Variants in XRRA1 observed in about 807,000 individuals in gnomAD.
XRRA1 encodes the protein X-ray radiation resistance associated 1.
A neutral mutation model predicts 80.2 loss-of-function variants in XRRA1; 69 were observed. The observed-to-expected ratio is 0.86, with a 90% CI of 0.71 to 1.05. The LOEUF is 1.05. XRRA1 is among the 50% of genes least tolerant of loss of function. XRRA1 has a pLI of 0.00. For synonymous variants in XRRA1, 348 were observed against 389.9 expected, an observed-to-expected ratio of 0.89 and a Z score of 1.27; for missense variants, 967 against 976.4, an observed-to-expected ratio of 0.99 and a Z score of 0.13.
chr11:74,871,509 C>A (rs2044761232), intron 10 of XRRA1, among the ~76,000 whole-genome samples: 2 of 152,228 alleles, frequency 1.3e-5, no homozygotes, highest in Non-Finnish European at 2.9e-5. Flanking sequence ...TTTGCATGCA[C>A]TGGACAATCA....
At chr11:74,906,501 C>T (rs755844485) in intron 9 of XRRA1, 45 bp from the exon 10 acceptor site, 2 of 1,587,780 alleles carry the variant, frequency 1.3e-6, no homozygotes, top group Non-Finnish European at 8.6e-7. Flanking sequence ...AATAATGATA[C>T]CTCAGGATTG....
intron 7 of XRRA1, among the ~76,000 whole-genome samples, chr11:74,924,756 C>T (rs1391088336): frequency 6.6e-6 from 1 of 152,196 alleles, no homozygotes; most frequent in Non-Finnish European, 1.5e-5. Context: ...TCGCTTGAAC[C>T]CAGGAGGCGG....
intron 10 of XRRA1, among the ~76,000 whole-genome samples, chr11:74,865,426 G>T (rs1056433816): frequency 2.0e-5 from 3 of 152,042 alleles, no homozygotes; most frequent in Admixed American, 6.6e-5. Flanking sequence ...TCCCAAGGGG[G>T]CCTATGGTCA....
At chr11:74,853,993 G>T (rs143210452) in intron 12 of XRRA1, among the ~76,000 whole-genome samples, 8 of 152,082 alleles carry the variant, frequency 5.3e-5, no homozygotes, top group Admixed American at 1.3e-4. Context: ...ATACTGGGGG[G>T]GCGGAGGATG....
Position 74,882,091 on chromosome 11 carries a change from C to T in XRRA1, c.1004-19070G>A, listed in dbSNP as rs550854258. Reference sequence around the variant, plus strand: ...TTGGGGAAGTTCTCCTGGATAATATCCTGCAGAGTGTTTTCCAACTTGGTT... The same window carrying T: ...TTGGGGAAGTTCTCCTGGATAATATTCTGCAGAGTGTTTTCCAACTTGGTT... On this transcript the variant is annotated intron_variant, in intron 10 of 18. Transcript: ENST00000684022. Among the ~76,000 whole-genome samples, 147 of 151,596 alleles carry T rather than the reference C, an allele frequency of 9.7e-4. 1 individual carries two copies. The highest frequency in any genetic ancestry group is 3.5e-3 in the African/African-American group (143 of 41,306).
chr11:74,852,892 G>T (rs1439323345), intron 12 of XRRA1, among the ~76,000 whole-genome samples: 1 of 152,158 alleles, frequency 6.6e-6, no homozygotes, highest in Admixed American at 6.5e-5. Flanking sequence ...AAAGGTATTG[G>T]GTCAGATGTA....
chr11:74,867,917 C>CATTTT (rs374064903), intron 10 of XRRA1, among the ~76,000 whole-genome samples: 1 of 106,746 alleles, frequency 9.4e-6, no homozygotes, highest in Non-Finnish European at 1.8e-5. Flanking sequence ...TATAGTCAAT[C>CATTTT]TTTTTTTTTT....
rs1277268716 is a variant in XRRA1 at position 74,933,804 on chromosome 11, G to A, written c.348C>T (p.Ser116=). 6.3e-7 allele frequency: 1 copy of A among 1,591,616 alleles called. No homozygotes were observed. The highest frequency in any genetic ancestry group is 1.2e-5 in the South Asian group (1 of 86,814). Residue 116 remains serine (S), a synonymous_variant, in exon 5 of 19, where the codon TCC becomes TCT. Coordinates refer to ENST00000684022, the MANE Select transcript of XRRA1 (RefSeq NM_001378157.1). ...CATCTTTGCTGGCTGACCTCACCTT[G>A]GAGAACTTCAGGCCACTCACATTAA... The part of the protein sequence containing the change: ...CTINVSGLKF[S]KAKENDFKHF...
chr11:74,848,769 C>T (rs375658967), intron 14 of XRRA1, among the ~76,000 whole-genome samples: 11 of 152,290 alleles, frequency 7.2e-5, no homozygotes, highest in South Asian at 4.1e-4. Flanking sequence ...AGTGCCTGGA[C>T]GATGTAATTC....
intron 4 of XRRA1, 150 bp downstream of exon 4, chr11:74,936,734 T>A (rs1031285682): frequency 9.7e-7 from 1 of 1,026,794 alleles, no homozygotes; most frequent in African/African-American, 1.6e-5. Context: ...TTGGGTCCCT[T>A]CATTATCCTG....
intron 8 of XRRA1, among the ~76,000 whole-genome samples, chr11:74,914,954 T>C (rs2138619339): frequency 6.6e-6 from 1 of 152,322 alleles, no homozygotes; most frequent in South Asian, 2.1e-4. Context: ...CTGCTACCTC[T>C]TCATCAACCC....
intron 10 of XRRA1, among the ~76,000 whole-genome samples, chr11:74,869,133 G>T (rs2044179205): frequency 6.6e-6 from 1 of 151,798 alleles, no homozygotes; most frequent in African/African-American, 2.4e-5. Context: ...AAAAAAAAAT[G>T]AAATCATACT....
intron 10 of XRRA1, among the ~76,000 whole-genome samples, chr11:74,892,361 G>T (rs1356572733): frequency 2.0e-5 from 3 of 152,176 alleles, no homozygotes; most frequent in African/African-American, 7.2e-5. Flanking sequence ...TATGTAGAAA[G>T]CTGAAACTGG....
intron 2 of XRRA1, among the ~76,000 whole-genome samples, chr11:74,944,222 G>T (rs1371606491): frequency 6.6e-6 from 1 of 152,114 alleles, no homozygotes; most frequent in East Asian, 1.9e-4. Flanking sequence ...TCCAAGTCTG[G>T]AAACACATCT....
At chr11:74,922,638 G>C (rs906469338) in intron 7 of XRRA1, among the ~76,000 whole-genome samples, 6 of 152,090 alleles carry the variant, frequency 3.9e-5, no homozygotes, top group Admixed American at 1.3e-4. Context: ...GCAAGTCTTT[G>C]GTCAGCCACA....
chr11:74,856,001 G>A (rs1418267929), intron 12 of XRRA1, among the ~76,000 whole-genome samples: 2 of 152,060 alleles, frequency 1.3e-5, no homozygotes, highest in Admixed American at 6.6e-5. Flanking sequence ...GCGTGGTAGC[G>A]GGTGCCTGTA....
intron 12 of XRRA1, among the ~76,000 whole-genome samples, chr11:74,857,508 T>C (rs1282460): frequency 0.62 from 93,985 of 152,088 alleles, 30,432 homozygotes; most frequent in East Asian, 0.8. Flanking sequence ...GAGAAATAAG[T>C]AAATTCACAA....
At chr11:74,849,003 A>C (rs1202606015) in intron 14 of XRRA1, among the ~76,000 whole-genome samples, 1 of 152,218 alleles carries the variant, frequency 6.6e-6, no homozygotes, top group Non-Finnish European at 1.5e-5. Context: ...CTAAAGATAG[A>C]TCTCTCTGAA....
intron 14 of XRRA1, among the ~76,000 whole-genome samples, chr11:74,849,064 A>G (rs1300800329): frequency 2.0e-5 from 3 of 152,148 alleles, no homozygotes; most frequent in African/African-American, 7.2e-5. Context: ...GCCTGTGACC[A>G]TTCTCCCTCT....
Sources: gnomAD v4.1 joint callset for allele counts (sites outside exome capture counted in the v4.1 genomes callset) on GRCh38, gnomAD v4.1.1 for gene constraint, MANE v1.5 for transcripts, NCBI Gene and HGNC (gene_info 2026-07-23, HGNC 2026-07-21) for gene names.